DNAH12: variants seen among roughly 807,000 people sequenced by gnomAD.
DNAH12 encodes axonemal beta dynein heavy chain 12.
DNAH12 carries 285 observed loss-of-function variants against 371.5 expected under a neutral mutation model. The ratio of observed to expected loss-of-function variants is 0.77; its 90% CI spans 0.70 to 0.85. DNAH12 has a LOEUF of 0.85. Among genes scored for constraint, DNAH12 ranks in the 40% least tolerant of loss-of-function variants. The probability of loss-of-function intolerance (pLI) is 0.00; values close to 1 mark genes in which losing one functional copy is unlikely to be tolerated. For synonymous variants in DNAH12, 1,200 were observed against 1,213.0 expected (o/e 0.99, Z 0.22); for missense variants, 3,611 against 3,689.4 (o/e 0.98, Z 0.55).
chr3:57,414,524 A>C (rs9882120), intron 38 of DNAH12, among the ~76,000 whole-genome samples: 36,125 of 151,864 alleles, frequency 0.24, 4,956 homozygotes, highest in South Asian at 0.44. Flanking sequence ...CAGTTTTTCA[A>C]TCCTCACCCT....
At chr3:57,433,545 TAAA>T in intron 31 of DNAH12, 38 bp from the exon 32 acceptor site, 1 of 1,542,580 alleles carries the variant, frequency 6.5e-7, no homozygotes, top group Non-Finnish European at 8.7e-7. Context: ...GCTCTCCTCA[TAAA>T]ATTAGATTTA....
chr3:57,543,784 C>T (rs2069404234), intron 1 of DNAH12, among the ~76,000 whole-genome samples: 1 of 151,626 alleles, frequency 6.6e-6, no homozygotes, highest in Non-Finnish European at 1.5e-5. Flanking sequence ...CGGTGGCTCA[C>T]GCCTGTAATC....
chr3:57,338,342 C>T (rs915013685), intron 60 of DNAH12, among the ~76,000 whole-genome samples: 4 of 152,210 alleles, frequency 2.6e-5, no homozygotes, highest in Non-Finnish European at 5.9e-5. Flanking sequence ...AGTGCAGTGG[C>T]GTGATCTCCG....
intron 29 of DNAH12, among the ~76,000 whole-genome samples, chr3:57,439,690 G>A (rs1209657036): frequency 6.6e-6 from 1 of 152,078 alleles, no homozygotes; most frequent in African/African-American, 2.4e-5. Flanking sequence ...TGACAAGTGG[G>A]ACCTATTTAA....
At chr3:57,454,312 C>G (rs1191446715) in intron 23 of DNAH12, among the ~76,000 whole-genome samples, 1 of 152,036 alleles carries the variant, frequency 6.6e-6, no homozygotes, top group African/African-American at 2.4e-5. Flanking sequence ...TAAACCCCAT[C>G]TCAACTAAAA....
chr3:57,357,013 G>C (rs1185647645), intron 59 of DNAH12, among the ~76,000 whole-genome samples, 163 bp downstream of exon 59: 1 of 152,138 alleles, frequency 6.6e-6, no homozygotes, highest in South Asian at 2.1e-4. Flanking sequence ...AAAGTGCTGA[G>C]ATTACAGGTG....
At chr3:57,309,361 G>A (rs2107675599) in intron 68 of DNAH12, 107 bp from the exon 69 acceptor site, 1 of 880,230 alleles carries the variant, frequency 1.1e-6, no homozygotes, top group East Asian at 2.7e-5. Flanking sequence ...ATGTACATTA[G>A]CTCATAACGT....
At chr3:57,402,472 C>T in intron 43 of DNAH12, 9 of 1,263,122 alleles carry the variant, frequency 7.1e-6, no homozygotes, top group Non-Finnish European at 8.4e-6. Context: ...ACATTAATGC[C>T]ATCAACATCA....
At chr3:57,485,297 A>G (rs560410524) in intron 12 of DNAH12, among the ~76,000 whole-genome samples, 2 of 152,352 alleles carry the variant, frequency 1.3e-5, no homozygotes, top group East Asian at 3.9e-4. Context: ...TCGACCAATG[A>G]GTGGATAAAG....
At chr3:57,383,120 T>C (rs1471750425) in intron 49 of DNAH12, among the ~76,000 whole-genome samples, 4 of 152,202 alleles carry the variant, frequency 2.6e-5, no homozygotes, top group Non-Finnish European at 5.9e-5. Context: ...GAGAGACAGC[T>C]GCTCTAGTAG....
chr3:57,356,486 A>C (rs933585537), intron 59 of DNAH12, among the ~76,000 whole-genome samples: 35 of 149,404 alleles, frequency 2.3e-4, no homozygotes, highest in Non-Finnish European at 4.4e-4. Flanking sequence ...TAAATAAATA[A>C]ATAAAATAAA....
At chr3:57,420,904 G>A (rs570935206) in intron 36 of DNAH12, among the ~76,000 whole-genome samples, 3 of 86,812 alleles carry the variant, frequency 3.5e-5, no homozygotes, top group African/African-American at 2.1e-4. Flanking sequence ...GCAAGACTCC[G>A]TCTCAAAAAA....
the DNAH12 span, among the ~76,000 whole-genome samples, chr3:57,554,277 G>A: frequency 3.2e-5 from 3 of 94,660 alleles, no homozygotes; most frequent in South Asian, 2.5e-4. Context: ...ACAGAGTGAG[G>A]CTCCATCTCA....
intron 35 of DNAH12, among the ~76,000 whole-genome samples, chr3:57,423,332 G>C (rs2064652889): frequency 6.6e-6 from 1 of 152,148 alleles, no homozygotes; most frequent in Non-Finnish European, 1.5e-5. Flanking sequence ...CAGTAACACT[G>C]ATAGATATGG....
chr3:57,506,513 C>T (rs977218802), intron 8 of DNAH12, among the ~76,000 whole-genome samples: 3 of 152,114 alleles, frequency 2.0e-5, no homozygotes, highest in African/African-American at 7.2e-5. Flanking sequence ...ACAATCTGGG[C>T]TCACCACAAC....
rs1459707105 is a variant in DNAH12 at position 57,433,514 on chromosome 3, A to T, written c.4840-7T>A. 1.9e-5 allele frequency: 30 copies of T among 1,544,004 alleles called. No homozygotes were observed. Among genetic ancestry groups the T allele is most frequent in the Non-Finnish European group, 2.5e-5 (29 of 1,145,276 alleles). On this transcript the variant is annotated splice_region_variant and splice_polypyrimidine_tract_variant and intron_variant, in intron 31 of 73. Transcript: ENST00000495027. ...CCACAATACCATCAGTCCACTGAGG[A>T]GGAAAAAAAAGAATTAAAAAGCTCT...
At chr3:57,424,042 T>A (rs189585756) in intron 35 of DNAH12, among the ~76,000 whole-genome samples, 15 of 152,188 alleles carry the variant, frequency 9.9e-5, no homozygotes, top group Admixed American at 2.6e-4. Context: ...CCCAGCCTAC[T>A]CCTGGTCTTT....
chr3:57,551,340 C>T, the DNAH12 span, among the ~76,000 whole-genome samples: 36 of 152,000 alleles, frequency 2.4e-4, no homozygotes, highest in African/African-American at 8.4e-4. Flanking sequence ...GGCGCGATCT[C>T]GGCTCACTGC....
At chr3:57,426,980 T>C (rs1446706343) in intron 34 of DNAH12, among the ~76,000 whole-genome samples, 2 of 152,330 alleles carry the variant, frequency 1.3e-5, no homozygotes, top group Non-Finnish European at 2.9e-5. Flanking sequence ...TTTGTCTATT[T>C]TCTCTATGAA....
Sources: gnomAD v4.1 joint callset for allele counts (sites outside exome capture counted in the v4.1 genomes callset) on GRCh38, gnomAD v4.1.1 for gene constraint, MANE v1.5 for transcripts, NCBI Gene and HGNC (gene_info 2026-07-23, HGNC 2026-07-21) for gene names.